The following ELOVL6 variants were observed in gnomAD, a reference collection of about 807,000 sequenced individuals.
ELOVL6 encodes the protein very long chain fatty acid elongase 6.
ELOVL6 carries 8 observed loss-of-function variants against 31.7 expected under a neutral mutation model. That is an observed-to-expected ratio of 0.25 (90% confidence interval 0.15 to 0.45). ELOVL6 has a LOEUF of 0.45. Among genes scored for constraint, ELOVL6 ranks in the 20% least tolerant of loss-of-function variants. ELOVL6 has a pLI of 1.00. For missense variants in ELOVL6, 126 were observed against 326.4 expected (o/e 0.39, Z 4.73); for synonymous variants, 101 against 117.7 (o/e 0.86, Z 0.92).
chr4:110,101,734 T>C (rs1756748413), intron 2 of ELOVL6, among the ~76,000 whole-genome samples: 1 of 152,104 alleles, frequency 6.6e-6, no homozygotes, highest in South Asian at 2.1e-4. Context: ...AGTGCAGTGG[T>C]GCTAAAATGG....
At chr4:110,151,324 A>C (rs1322436262) in intron 1 of ELOVL6, among the ~76,000 whole-genome samples, 1 of 152,026 alleles carries the variant, frequency 6.6e-6, no homozygotes, top group Non-Finnish European at 1.5e-5. Context: ...ACACCTTATA[A>C]ACATAGCCTA....
chr4:110,099,749 G>A (rs1756687269), intron 2 of ELOVL6, among the ~76,000 whole-genome samples: 1 of 152,186 alleles, frequency 6.6e-6, no homozygotes, highest in South Asian at 2.1e-4. Context: ...CCTTGAATCA[G>A]AAGCACACAC....
At chr4:110,093,959 T>A (rs914094408) in intron 2 of ELOVL6, among the ~76,000 whole-genome samples, 2 of 152,028 alleles carry the variant, frequency 1.3e-5, no homozygotes, top group African/African-American at 2.4e-5. Context: ...GCCATTAGAA[T>A]ATCTGGGTGG....
intron 1 of ELOVL6, among the ~76,000 whole-genome samples, chr4:110,116,010 C>T (rs1348945571): frequency 4.6e-5 from 7 of 152,122 alleles, no homozygotes; most frequent in African/African-American, 1.7e-4. Context: ...TGACTCTGAT[C>T]CCCCCAACTC....
intron 1 of ELOVL6, among the ~76,000 whole-genome samples, chr4:110,111,331 T>A (rs543558853): frequency 1.3e-5 from 2 of 148,530 alleles, no homozygotes; most frequent in South Asian, 4.3e-4. Context: ...CGGCAGGTTA[T>A]CAATTCCCTT....
At chr4:110,177,702 GATAAC>G (rs1759150134) in intron 1 of ELOVL6, among the ~76,000 whole-genome samples, 1 of 152,016 alleles carries the variant, frequency 6.6e-6, no homozygotes, top group Non-Finnish European at 1.5e-5. Flanking sequence ...CTAGGTCATT[GATAAC>G]ATTATTAAAA....
rs1032548714 is a variant in ELOVL6 at position 110,157,398 on chromosome 4, C to T, written c.89+40849G>A. On this transcript the variant is annotated intron_variant, in intron 1 of 3. Coordinates refer to ENST00000302274, the MANE Select transcript of ELOVL6 (RefSeq NM_024090.3). ...AAATATGTCTTGGATAGGCCAGGTG[C>T]GGTGACTCATGCCTGTAATCCCAGC... is the stretch of plus-strand genomic sequence containing the variant. Among the ~76,000 whole-genome samples the T allele has an allele frequency of 8.5e-5, 13 of 152,190 alleles. No homozygotes were observed. In the South Asian group the frequency reaches 1.5e-3, roughly 17 times the overall value.
chr4:110,093,505 TTC>T (rs1435411761), intron 2 of ELOVL6, among the ~76,000 whole-genome samples: 1 of 152,234 alleles, frequency 6.6e-6, no homozygotes, highest in Non-Finnish European at 1.5e-5. Context: ...AAACTTGCAG[TTC>T]TTTGTCATAT....
At chr4:110,147,738 C>G (rs1454121449) in intron 1 of ELOVL6, among the ~76,000 whole-genome samples, 1 of 151,502 alleles carries the variant, frequency 6.6e-6, no homozygotes, top group Non-Finnish European at 1.5e-5. Flanking sequence ...CTGCAGTGAG[C>G]AGTGACTGAG....
intron 1 of ELOVL6, among the ~76,000 whole-genome samples, chr4:110,167,590 TG>T (rs1330820915): frequency 6.6e-6 from 1 of 152,102 alleles, no homozygotes; most frequent in Non-Finnish European, 1.5e-5. Context: ...TGGAGTGCAG[TG>T]GTGCAATGAT....
chr4:110,106,075 G>A (rs1756881840), intron 1 of ELOVL6, among the ~76,000 whole-genome samples: 1 of 152,198 alleles, frequency 6.6e-6, no homozygotes, highest in South Asian at 2.1e-4. Context: ...ATTTTATCTT[G>A]GGTGGGTGTG....
intron 1 of ELOVL6, among the ~76,000 whole-genome samples, chr4:110,181,442 C>T (rs575985724): frequency 2.0e-5 from 3 of 152,086 alleles, no homozygotes; most frequent in South Asian, 4.2e-4. Flanking sequence ...GAGTGAGACC[C>T]TGTCTAAATA....
At chr4:110,072,248 C>A (rs1028797340) in intron 2 of ELOVL6, among the ~76,000 whole-genome samples, 1 of 152,134 alleles carries the variant, frequency 6.6e-6, no homozygotes, top group African/African-American at 2.4e-5. Flanking sequence ...GAGGCCGAGG[C>A]GTGTGGATCA....
In ELOVL6 at chr4:110,085,476, C is replaced by T. The variant is rs371575448; in HGVS notation, c.221+20021G>A. 1.4e-4 allele frequency among the ~76,000 whole-genome samples: 22 copies of T among 152,236 alleles called. No homozygotes were observed. In the South Asian group the frequency reaches 4.6e-3, roughly 32 times the overall value. ...AAAGAGTAAGTGTGCCATAGTTGAC[C>T]AGAATCACAGTGTGATACCTGTCTG... On this transcript the variant is annotated intron_variant, in intron 2 of 3. Transcript: ENST00000302274.
At chr4:110,075,685 AC>A (rs1359620570) in intron 2 of ELOVL6, among the ~76,000 whole-genome samples, 2 of 152,236 alleles carry the variant, frequency 1.3e-5, no homozygotes, top group Admixed American at 6.5e-5. Context: ...AATTGGTTGC[AC>A]AACAATGAAT....
At chr4:110,110,231 G>A (rs1025846926) in intron 1 of ELOVL6, among the ~76,000 whole-genome samples, 7 of 152,072 alleles carry the variant, frequency 4.6e-5, no homozygotes, top group African/African-American at 1.4e-4. Flanking sequence ...GACATTTAAT[G>A]TATGTCTATG....
chr4:110,079,946 G>T (rs185032383), intron 2 of ELOVL6, among the ~76,000 whole-genome samples: 1 of 152,160 alleles, frequency 6.6e-6, no homozygotes, highest in South Asian at 2.1e-4. Context: ...ACTACCATCA[G>T]AGAATGCTAT....
intron 1 of ELOVL6, among the ~76,000 whole-genome samples, chr4:110,126,208 T>C (rs959429744): frequency 2.6e-5 from 4 of 152,088 alleles, no homozygotes; most frequent in Non-Finnish European, 4.4e-5. Flanking sequence ...CATGCCCAGA[T>C]AATTTTTGTA....
chr4:110,093,867 A>T (rs1323833155), intron 2 of ELOVL6, among the ~76,000 whole-genome samples: 1 of 152,176 alleles, frequency 6.6e-6, no homozygotes, highest in Non-Finnish European at 1.5e-5. Context: ...GGATGGGAAT[A>T]TTGTGATTTT....
Sources: allele counts gnomAD v4.1 joint callset (sites outside exome capture counted in the v4.1 genomes callset), GRCh38; gene constraint gnomAD v4.1.1; transcripts MANE v1.5; gene names NCBI Gene and HGNC (gene_info 2026-07-23, HGNC 2026-07-21).